HNRNPU: variants seen among roughly 807,000 people sequenced by gnomAD.
The protein encoded by HNRNPU is HNRNPU antisense RNA 1.
Under a neutral mutation model 94.7 loss-of-function variants are expected in HNRNPU, and 5 were observed. The observed-to-expected ratio is 0.05, with a 90% CI of 0.03 to 0.11. HNRNPU has a LOEUF of 0.11. Among genes scored for constraint, HNRNPU ranks in the 10% least tolerant of loss-of-function variants. The pLI is 1.00. For missense variants in HNRNPU, 710 were observed against 1,049.2 expected, an observed-to-expected ratio of 0.68 and a Z score of 4.47; for synonymous variants, 434 against 381.6, an observed-to-expected ratio of 1.14 and a Z score of -1.60.
chr1:244,864,363 G>C lies in HNRNPU; in HGVS notation c.-56C>G, dbSNP rs1680944001. ...GCCTCAAACTCGGCTCCGCTCACTC[G>C]GCCACTGGTGGCGGCTGCTGCGGCT... On this transcript the variant is annotated 5_prime_UTR_variant, in exon 1 of 14. Coordinates refer to ENST00000640218, the MANE Select transcript of HNRNPU (RefSeq NM_031844.3). 7 of 1,587,420 alleles carry C rather than the reference G, an allele frequency of 4.4e-6. No homozygotes were observed. The South Asian group carries it at 8.1e-5, about 18-fold the overall frequency.
At chr1:244,860,766 C>T (rs1472784517) in intron 3 of HNRNPU, 3 of 411,772 alleles carry the variant, frequency 7.3e-6, no homozygotes, top group African/African-American at 6.2e-5. Flanking sequence ...CATACCTGCT[C>T]TGCTCTTTAC....
intron 3 of HNRNPU, chr1:244,861,345 A>T (rs1680822248): frequency 6.6e-6 from 1 of 152,264 alleles, no homozygotes; most frequent in African/African-American, 2.4e-5. Flanking sequence ...TTTGCTAAAA[A>T]ATCTAACAAT....
chr1:244,863,302 C>T (rs1680897663), intron 1 of HNRNPU, among the ~76,000 whole-genome samples: 1 of 150,952 alleles, frequency 6.6e-6, no homozygotes, highest in Non-Finnish European at 1.5e-5. Flanking sequence ...GACCGGGCTC[C>T]CTCCCGCCGC....
chr1:244,854,577 G>C, intron 13 of HNRNPU, 74 bp from the exon 14 acceptor site: 1 of 972,824 alleles, frequency 1.0e-6, no homozygotes, highest in Non-Finnish European at 1.7e-6. Context: ...AAATGACAAT[G>C]AATCTAATTC....
intron 8 of HNRNPU, 183 bp from the exon 9 acceptor site, chr1:244,857,039 A>G: frequency 2.1e-6 from 1 of 487,618 alleles, no homozygotes; most frequent in South Asian, 3.5e-5. Flanking sequence ...ACACTTACTC[A>G]ATTCTTTTTA....
At chr1:244,857,577 G>C (rs752167438) in intron 8 of HNRNPU, 21 bp downstream of exon 8, 7 of 1,609,752 alleles carry the variant, frequency 4.3e-6, no homozygotes, top group Admixed American at 1.7e-5. Flanking sequence ...ACTGAGATCA[G>C]GCCCTAAACA....
At position 244,852,998 on chromosome 1, in the gene HNRNPU, G is replaced by A. The variant is rs1680586932; in HGVS notation, c.*1452C>T. ...GTCAAGTTAGCAGTGTTGTGTAGCA[G>A]TGACATCAATGACTGGCTTGCATGA... On this transcript the variant is annotated 3_prime_UTR_variant, in exon 14 of 14. Transcript: ENST00000640218. The A allele has an allele frequency of 6.6e-6, 1 of 152,592 alleles. No homozygotes were observed. 9.5% of individuals were successfully genotyped at this position (152,592 alleles called of 1,614,324 possible).
At chr1:244,863,153 C>A in intron 1 of HNRNPU, 1 of 177,802 alleles carries the variant, frequency 5.6e-6, no homozygotes, top group Non-Finnish European at 1.2e-5. Flanking sequence ...GACGTCACGC[C>A]GAGCCCCTGC....
rs571930955 is a variant in HNRNPU, at chr1:244,852,897, G to A, written c.*1553C>T. On this transcript the variant is annotated 3_prime_UTR_variant, in exon 14 of 14. Transcript: ENST00000640218. ...TCCTGATTCCTCACTTCACATTGGT[G>A]AGGGGAAGATTAAAGTGTTCTGTGC... is the stretch of plus-strand genomic sequence containing the variant. 1.3e-5 allele frequency: 2 copies of A among 152,692 alleles called. No individual in the cohort carries two copies. Among genetic ancestry groups the A allele is most frequent in the East Asian group, 1.9e-4 (1 of 5,184 alleles). The allele number at this position is 152,692 out of a possible 1,614,324, so 9.5% of individuals were successfully genotyped here. A position where few individuals can be genotyped will look rare whatever the true frequency, so the allele number is the denominator to read the frequency against.
At position 244,850,800 on chromosome 1, in the gene HNRNPU, G is replaced by A. The variant is rs1275380983; in HGVS notation, c.*3650C>T. 6.6e-6 allele frequency: 1 copy of A among 152,112 alleles called. No individual in the cohort carries two copies. The highest frequency in any genetic ancestry group is 1.5e-5 in the Non-Finnish European group (1 of 68,022). 9.4% of individuals were successfully genotyped at this position (152,112 alleles called of 1,614,324 possible). A position where few individuals can be genotyped will look rare whatever the true frequency, so the allele number is the denominator to read the frequency against. On this transcript the variant is annotated 3_prime_UTR_variant, in exon 14 of 14. Transcript: ENST00000640218. The stretch of plus-strand genomic sequence containing the variant: ...CCAAACTCTGAACACCTCAACCTCA[G>A]AGCTCCAGAATTAGGAATGAATGAC...
In HNRNPU at chr1:244,860,354, T is replaced by G. The variant is rs747886979; in HGVS notation, c.998A>C (p.Lys333Thr). 3.1e-6 allele frequency: 5 copies of G among 1,608,166 alleles called. No individual in the cohort carries two copies. The African/African-American group carries it at 5.4e-5, about 17-fold the overall frequency. The change falls in exon 4 of 14, where the codon AAA becomes ACA. Residue 333 changes from lysine to threonine, a missense_variant. Transcript: ENST00000640218. ...ATTTACCTTCATCTCAAAACACACT[T>G]TGCCTTTTGACACACCATAGGATGC... Reference protein sequence around the residue: ...GRASYGVSKGKVCFEMKVTEK... With the variant: ...GRASYGVSKGTVCFEMKVTEK...
chr1:244,854,691 G>T lies in HNRNPU; in HGVS notation c.2425-188C>A. On this transcript the variant is annotated intron_variant, in intron 13 of 13. Coordinates refer to ENST00000640218, the MANE Select transcript of HNRNPU (RefSeq NM_031844.3). The stretch of plus-strand genomic sequence containing the variant: ...TAATTATCAATACACATTACAAAAC[G>T]AAACATCATGACTTTGTTAGTTTAC... 5 of 566,390 alleles carry T rather than the reference G, an allele frequency of 8.8e-6. No homozygotes were observed. In the South Asian group the frequency reaches 1.3e-4, roughly 14 times the overall value. 35.1% of individuals were successfully genotyped at this position (566,390 alleles called of 1,614,324 possible).
chr1:244,862,991 C>T (rs1027323799), intron 1 of HNRNPU: 2 of 495,470 alleles, frequency 4.0e-6, no homozygotes, highest in Non-Finnish European at 7.2e-6. Flanking sequence ...GGCCCGAAGC[C>T]CACGTGTATC....
Position 244,852,273 on chromosome 1 carries a change from T to C in HNRNPU, c.*2177A>G, listed in dbSNP as rs1680567152. 1.3e-5 allele frequency: 2 copies of C among 152,206 alleles called. No individual in the cohort carries two copies. 9.4% of individuals were successfully genotyped at this position (152,206 alleles called of 1,614,324 possible). A position where few individuals can be genotyped will look rare whatever the true frequency, so the allele number is the denominator to read the frequency against. ...TTAATTCTAGTCTTGACTAAAGATTTTAACATTTTTCTGGGTGCCATTTTT... is the reference window on the plus strand; with the variant it reads ...TTAATTCTAGTCTTGACTAAAGATTCTAACATTTTTCTGGGTGCCATTTTT... On this transcript the variant is annotated 3_prime_UTR_variant, in exon 14 of 14. Transcript: ENST00000640218.
intron 10 of HNRNPU, 58 bp downstream of exon 10, chr1:244,856,398 AG>A: frequency 6.6e-7 from 1 of 1,512,136 alleles, no homozygotes. Context: ...CAGAATATGT[AG>A]GAAAAACATT....
At position 244,854,267 on chromosome 1, in the gene HNRNPU, T is replaced by G; in HGVS notation, c.*183A>C. On this transcript the variant is annotated 3_prime_UTR_variant, in exon 14 of 14. Coordinates refer to ENST00000640218, the MANE Select transcript of HNRNPU (RefSeq NM_031844.3). ...CTGAGGTTCTCTTACGATTCACTTT[T>G]AAACTGCAATTAAAAATGTACAAAA... The G allele has an allele frequency of 1.6e-6, 1 of 609,464 alleles. No individual in the cohort carries two copies. The highest frequency in any genetic ancestry group is 2.9e-6 in the Non-Finnish European group (1 of 341,810). The allele number at this position is 609,464 out of a possible 1,614,324, so 37.8% of individuals were successfully genotyped here.
At chr1:244,863,420 A>ACACACACACACG (rs555181156) in intron 1 of HNRNPU, among the ~76,000 whole-genome samples, 197 bp downstream of exon 1, 3 of 138,796 alleles carry the variant, frequency 2.2e-5, no homozygotes, top group Admixed American at 1.4e-4. Context: ...ACACACACAC[A>ACACACACACACG]CGCGCGCGCG....
In HNRNPU at chr1:244,854,958, T is replaced by TA; in HGVS notation, c.2424+14dup. The TA allele has an allele frequency of 6.3e-7, 1 of 1,591,054 alleles. No individual in the cohort carries two copies. The highest frequency in any genetic ancestry group is 8.6e-7 in the Non-Finnish European group (1 of 1,159,010). On this transcript the variant is annotated intron_variant, in intron 13 of 13. Transcript: ENST00000640218. The stretch of plus-strand genomic sequence containing the variant: ...ATACAATTAATGTACATAAAGCACA[T>TA]AAGAAATTACTTACACCCTGCTGCC...
At chr1:244,860,515 T>C (rs758977568) in intron 3 of HNRNPU, 41 bp from the exon 4 acceptor site, 10 of 1,521,370 alleles carry the variant, frequency 6.6e-6, no homozygotes, top group Non-Finnish European at 9.1e-6. Flanking sequence ...TGACATCCAA[T>C]GTAAACATAT....
Sources: gnomAD v4.1 joint callset for allele counts (sites outside exome capture counted in the v4.1 genomes callset) on GRCh38, gnomAD v4.1.1 for gene constraint, MANE v1.5 for transcripts, NCBI Gene and HGNC (gene_info 2026-07-23, HGNC 2026-07-21) for gene names.